The following WNK4 variants were observed in gnomAD, a reference collection of about 807,000 sequenced individuals.
WNK4 encodes the protein WNK lysine deficient protein kinase 4, also known as serine/threonine-protein kinase WNK4.
Under a neutral mutation model 116.2 loss-of-function variants are expected in WNK4, and 94 were observed. That is an observed-to-expected ratio of 0.81 (90% CI 0.68 to 0.96). The LOEUF (loss-of-function observed/expected upper bound fraction) is 0.96, where lower values mean the gene tolerates loss of function less well. Ranked by LOEUF, WNK4 falls within the 40% of genes least tolerant of loss-of-function variation. The pLI is 0.00. For synonymous variants in WNK4, 655 were observed against 672.7 expected, an observed-to-expected ratio of 0.97 and a Z score of 0.41; for missense variants, 1,542 against 1,650.6, an observed-to-expected ratio of 0.93 and a Z score of 1.14.
In WNK4 at chr17:42,795,073, C is replaced by A. The variant is rs376535315; in HGVS notation, c.2652C>A (p.Leu884=). Residue 884 remains leucine (L), a synonymous_variant, in exon 14 of 19, where the codon CTC becomes CTA. Coordinates refer to ENST00000246914, the MANE Select transcript of WNK4 (RefSeq NM_032387.5). The part of the protein sequence containing the change: ...VPLSQCPWSS[L]PTTSPPTFSP... ...TCTCTCAGTGTCCCTGGAGTTCTCTCCCCACGACTTCTCCACCTACGTTCT... is the reference window on the plus strand; with the variant it reads ...TCTCTCAGTGTCCCTGGAGTTCTCTACCCACGACTTCTCCACCTACGTTCT... The A allele has an allele frequency of 1.2e-6, 2 of 1,613,898 alleles. No individual in the cohort carries two copies. The highest frequency in any genetic ancestry group is 1.3e-5 in the African/African-American group (1 of 74,856).
chr17:42,783,482 A>T (rs2054506677), intron 2 of WNK4: 2 of 296,090 alleles, frequency 6.8e-6, no homozygotes, highest in Non-Finnish European at 1.3e-5. Flanking sequence ...CTCCAGACAC[A>T]CCAAATTCCT....
chr17:42,781,031 C>A lies in WNK4; in HGVS notation c.333C>A (p.Thr111=), dbSNP rs1217586410. The change falls in exon 1 of 19, where the codon ACC becomes ACA. Residue 111 remains threonine, a synonymous_variant. Coordinates refer to ENST00000246914, the MANE Select transcript of WNK4 (RefSeq NM_032387.5). ...AAGAACCCCCCGAGGGCACGTGGAC[C>A]GAGGGAGCCCCTGTGAAGGCTGCGG... is the stretch of plus-strand genomic sequence containing the variant. ...SSKEPPEGTW[T]EGAPVKAAED... 1.9e-6 allele frequency: 3 copies of A among 1,610,410 alleles called. No individual in the cohort carries two copies. The highest frequency in any genetic ancestry group is 2.5e-6 in the Non-Finnish European group (3 of 1,179,278).
chr17:42,784,064 A>G lies in WNK4; in HGVS notation c.919A>G (p.Asn307Asp). The stretch of plus-strand genomic sequence containing the variant: ...CCTGCACCGGGATCTCAAGTGCGAC[A>G]ATGTCTTTATCACGGGACCTACTGG... ...PILHRDLKCD[N>D]VFITGPTGSV... Residue 307 changes from asparagine to aspartate, a missense_variant, in exon 3 of 19, where the codon AAT becomes GAT. Physicochemically the swap from Asn to Asp is conservative, Grantham distance 23. This residue lies in a region of WNK4 where 808 missense variants were observed against 873.6 expected (regional missense o/e 0.92). Coordinates refer to ENST00000246914, the MANE Select transcript of WNK4 (RefSeq NM_032387.5). The surrounding 1 kb of genome is among the most constrained non-coding windows in gnomAD (Gnocchi z 4.4). 1.2e-6 allele frequency: 2 copies of G among 1,613,686 alleles called. No homozygotes were observed. Among genetic ancestry groups the G allele is most frequent in the Non-Finnish European group, 8.5e-7 (1 of 1,180,032 alleles).
chr17:42,794,442 C>A, intron 12 of WNK4, 172 bp from the exon 13 acceptor site: 1 of 697,666 alleles, frequency 1.4e-6, no homozygotes, highest in Non-Finnish European at 2.5e-6. Flanking sequence ...AAGTTGCAGA[C>A]ATCATGCCCT....
In WNK4 at chr17:42,784,319, C is replaced by T. The variant is rs1237067767; in HGVS notation, c.1013-103C>T. ...GCACCCACCTCAACCCCACTGTGGG[C>T]CGGGGTCACTTGCACTCGCAGGGTT... On this transcript the variant is annotated intron_variant, in intron 3 of 18. Transcript: ENST00000246914. This position sits in a 1 kb window ranked among gnomAD's most constrained non-coding sequence, Gnocchi z 4.4. The T allele has an allele frequency of 6.5e-7, 1 of 1,549,638 alleles. No individual in the cohort carries two copies. Among genetic ancestry groups the T allele is most frequent in the African/African-American group, 1.4e-5 (1 of 73,226 alleles).
rs1039629360 is a variant in WNK4 at position 42,795,008 on chromosome 17, C to T, written c.2587C>T (p.Leu863Phe). 1.9e-6 allele frequency: 3 copies of T among 1,613,522 alleles called. No individual in the cohort carries two copies. Among genetic ancestry groups the T allele is most frequent in the African/African-American group, 1.3e-5 (1 of 74,766 alleles). The change falls in exon 14 of 19, where the codon CTT becomes TTT. Residue 863 changes from leucine (L) to phenylalanine (F), a missense_variant. Coordinates refer to ENST00000246914, the MANE Select transcript of WNK4 (RefSeq NM_032387.5). The stretch of plus-strand genomic sequence containing the variant: ...CTCTCCACACCCCACCAGCTCTCCA[C>T]TTCCATTCTCCTCCAGCACACCCGA... ...NPSPHPTSSP[L>F]PFSSSTPEFP...
At chr17:42,783,056 C>G in intron 2 of WNK4, 126 bp downstream of exon 2, 1 of 1,302,966 alleles carries the variant, frequency 7.7e-7, no homozygotes, top group Non-Finnish European at 1.1e-6. Flanking sequence ...ATCTCCCTCT[C>G]ACCCAACCTT....
At chr17:42,793,891 C>G in intron 12 of WNK4, 162 bp downstream of exon 12, 1 of 877,808 alleles carries the variant, frequency 1.1e-6, no homozygotes, top group South Asian at 1.5e-5. Context: ...CTCACTCTGT[C>G]GCCCAGGCTG....
chr17:42,795,451 C>T lies in WNK4; in HGVS notation c.2962-10C>T, dbSNP rs369213864. 3 of 1,614,076 alleles carry T rather than the reference C, an allele frequency of 1.9e-6. No individual in the cohort carries two copies. The highest frequency in any genetic ancestry group is 1.7e-6 in the Non-Finnish European group (2 of 1,180,046). ...GCACTCTTCCCTTCTCATGGCCCCC[C>T]ACTTTCTAGGCCTCACCACCTCCTG... On this transcript the variant is annotated splice_polypyrimidine_tract_variant and intron_variant, in intron 14 of 18. Coordinates refer to ENST00000246914, the MANE Select transcript of WNK4 (RefSeq NM_032387.5).
intron 6 of WNK4, among the ~76,000 whole-genome samples, chr17:42,786,624 C>G (rs192867165): frequency 6.6e-6 from 1 of 152,172 alleles, no homozygotes; most frequent in Admixed American, 6.5e-5. Flanking sequence ...AACTCCTGAC[C>G]TCAAGTGACC....
Position 42,795,477 on chromosome 17 carries a change from C to T in WNK4, c.2978C>T (p.Ala993Val), listed in dbSNP as rs1242839466. 2.5e-6 allele frequency: 4 copies of T among 1,614,134 alleles called. No individual in the cohort carries two copies. The highest frequency in any genetic ancestry group is 3.4e-6 in the Non-Finnish European group (4 of 1,180,048). The part of the protein sequence containing the change: ...EVESEASPPP[A>V]RPLPGEARLA... ...ACTTTCTAGGCCTCACCACCTCCTG[C>T]TCGGCCCCTCCCAGGGGAAGCCAGG... Residue 993 changes from alanine (A) to valine (V), a missense_variant, in exon 15 of 19, where the codon GCT (alanine) becomes GTT (valine). Ala to Val is a moderately conservative substitution (Grantham distance 64). This residue lies in a region of WNK4 where 292 missense variants were observed against 290.1 expected (regional missense o/e 1.01). Coordinates refer to ENST00000246914, the MANE Select transcript of WNK4 (RefSeq NM_032387.5).
rs1035852214 is a variant in WNK4 at position 42,797,014 on chromosome 17, G to C, written c.*326G>C. ...CCACTCCCAGCTGGGAGAGTGTAGG[G>C]GATATGCTCACACCACATTAGCAGC... is the stretch of plus-strand genomic sequence containing the variant. On this transcript the variant is annotated 3_prime_UTR_variant, in exon 19 of 19. Transcript: ENST00000246914. 2.8e-5 allele frequency: 14 copies of C among 492,680 alleles called. No homozygotes were observed. The highest frequency in any genetic ancestry group is 4.1e-5 in the Non-Finnish European group (11 of 270,788). 30.5% of individuals were successfully genotyped at this position (492,680 alleles called of 1,614,324 possible). A position where few individuals can be genotyped will look rare whatever the true frequency, so the allele number is the denominator to read the frequency against.
At position 42,780,625 on chromosome 17, in the gene WNK4, C is replaced by T. The variant is rs2054470016; in HGVS notation, c.-74C>T. 1.5e-5 allele frequency: 24 copies of T among 1,582,704 alleles called. No homozygotes were observed. The highest frequency in any genetic ancestry group is 1.9e-5 in the Non-Finnish European group (22 of 1,169,940). Reference sequence around the variant, plus strand: ...CCGCTCAGCCGGAGCGCAGCGCACCCAGCGAGTCCGTCTGTCAGGCCGCCT... The same window carrying T: ...CCGCTCAGCCGGAGCGCAGCGCACCTAGCGAGTCCGTCTGTCAGGCCGCCT... On this transcript the variant is annotated 5_prime_UTR_variant, in exon 1 of 19. Transcript: ENST00000246914.
chr17:42,787,610 T>C (rs2054564796), intron 7 of WNK4, 68 bp downstream of exon 7: 1 of 1,602,696 alleles, frequency 6.2e-7, no homozygotes, highest in Non-Finnish European at 8.5e-7. Context: ...ACCCAGAAGT[T>C]CACCCCCACA....
At position 42,795,293 on chromosome 17, in the gene WNK4, A is replaced by G; in HGVS notation, c.2872A>G (p.Ser958Gly). 6.2e-7 allele frequency: 1 copy of G among 1,612,488 alleles called. No individual in the cohort carries two copies. The highest frequency in any genetic ancestry group is 2.2e-5 in the East Asian group (1 of 44,768). ...LLSQSPPAPP[S>G]PLPSLPLPPP... ...TTCCCAGTCTCCTCCAGCCCCTCCT[A>G]GTCCCCTCCCTAGCCTGCCCCTTCC... The change falls in exon 14 of 19, where the codon AGT becomes GGT. Residue 958 changes from serine (S) to glycine (G), a missense_variant. Around this residue, in one of 7 missense-constraint regions of WNK4, gnomAD observed 292 missense variants for 290.1 expected, o/e 1.01. Transcript: ENST00000246914.
At position 42,784,063 on chromosome 17, in the gene WNK4, C is replaced by A. The variant is rs776352888; in HGVS notation, c.918C>A (p.Asp306Glu). The change falls in exon 3 of 19, where the codon GAC (aspartate) becomes GAA (glutamate). Residue 306 changes from aspartate (D) to glutamate (E), a missense_variant. Around this residue, in one of 7 missense-constraint regions of WNK4, gnomAD observed 808 missense variants for 873.6 expected, o/e 0.92. Transcript: ENST00000246914. The surrounding 1 kb of genome is among the most constrained non-coding windows in gnomAD (Gnocchi z 4.4). ...TCCTGCACCGGGATCTCAAGTGCGA[C>A]AATGTCTTTATCACGGGACCTACTG... is the stretch of plus-strand genomic sequence containing the variant. ...PPILHRDLKC[D>E]NVFITGPTGS... The A allele has an allele frequency of 6.2e-7, 1 of 1,613,720 alleles. No individual in the cohort carries two copies.
intron 12 of WNK4, 21 bp from the exon 13 acceptor site, chr17:42,794,593 G>GGACTCCTGCC (rs63749048): frequency 3.5e-5 from 56 of 1,613,484 alleles, no homozygotes; most frequent in Non-Finnish European, 4.6e-5. Flanking sequence ...CTGTGACTGC[G>GGACTCCTGCC]GACTCCTTTT....
At position 42,782,082 on chromosome 17, in the gene WNK4, G is replaced by A. The variant is rs548877436; in HGVS notation, c.619-676G>A. On this transcript the variant is annotated intron_variant, in intron 1 of 18. Transcript: ENST00000246914. This position sits in a 1 kb window ranked among gnomAD's most constrained non-coding sequence, Gnocchi z 4.2. ...GGCCTGAAGCTTCCGATTCAGATCA[G>A]GGGACAGAGCCTAGGGGAAGGGTCC... Among the ~76,000 whole-genome samples the A allele has an allele frequency of 1.6e-4, 25 of 152,332 alleles. No homozygotes were observed. The highest frequency in any genetic ancestry group is 5.8e-4 in the African/African-American group (24 of 41,578).
In WNK4 at chr17:42,795,294, G is replaced by T. The variant is rs2054653120; in HGVS notation, c.2873G>T (p.Ser958Ile). 1.2e-6 allele frequency: 2 copies of T among 1,613,320 alleles called. No homozygotes were observed. The highest frequency in any genetic ancestry group is 1.3e-5 in the African/African-American group (1 of 74,744). The part of the protein sequence containing the change: ...LLSQSPPAPP[S>I]PLPSLPLPPP... ...TCCCAGTCTCCTCCAGCCCCTCCTA[G>T]TCCCCTCCCTAGCCTGCCCCTTCCC... is the stretch of plus-strand genomic sequence containing the variant. The change falls in exon 14 of 19, where the codon AGT (serine) becomes ATT (isoleucine). Residue 958 changes from serine to isoleucine, a missense_variant. By Grantham distance (142) the Ser-to-Ile change is moderately radical. Around this residue, in one of 7 missense-constraint regions of WNK4, gnomAD observed 292 missense variants for 290.1 expected, o/e 1.01. Coordinates refer to ENST00000246914, the MANE Select transcript of WNK4 (RefSeq NM_032387.5).
Sources: gnomAD v4.1 joint callset for allele counts (sites outside exome capture counted in the v4.1 genomes callset) on GRCh38, gnomAD v4.1.1 for gene constraint, gnomAD v4.1.1 regional missense constraint, Gnocchi (gnomAD v3.1) non-coding constraint, MANE v1.5 for transcripts, NCBI Gene and HGNC (gene_info 2026-07-23, HGNC 2026-07-21) for gene names.